Variants in RELA observed in about 807,000 individuals in gnomAD.
RELA encodes RELA proto-oncogene, NF-kB subunit.
In RELA, 14 loss-of-function variants were observed where a neutral mutation model predicts 56.7. The observed-to-expected ratio is 0.25, with a 90% confidence interval of 0.16 to 0.39. RELA has a LOEUF of 0.39. RELA is among the 10% of genes least tolerant of loss of function. RELA has a pLI of 1.00. For synonymous variants in RELA, 315 were observed against 289.7 expected, an observed-to-expected ratio of 1.09 and a Z score of -0.89; for missense variants, 559 against 736.4, an observed-to-expected ratio of 0.76 and a Z score of 2.79.
At chr11:65,659,392 C>T (rs1019332559) in intron 6 of RELA, among the ~76,000 whole-genome samples, 1 of 152,172 alleles carries the variant, frequency 6.6e-6, no homozygotes, top group Non-Finnish European at 1.5e-5. Context: ...GTTGTGGGCA[C>T]ACCACCTTCT....
chr11:65,660,070 C>A (rs1011628615), intron 5 of RELA, 54 bp downstream of exon 5: 1 of 1,535,542 alleles, frequency 6.5e-7, no homozygotes, highest in Non-Finnish European at 9.0e-7. Flanking sequence ...GCAGGAAAGG[C>A]GGGCTGGGGA....
Position 65,654,547 on chromosome 11 carries a change from T to G in RELA, c.1487A>C (p.Tyr496Ser). 6.2e-7 allele frequency: 1 copy of G among 1,613,054 alleles called. No homozygotes were observed. Among genetic ancestry groups the G allele is most frequent in the Non-Finnish European group, 8.5e-7 (1 of 1,179,632 alleles). Reference sequence around the variant, plus strand: ...CACTAGGCGAGTTATAGCCTCAGGGTACTCCATCAGCATGGGCTCAGTTGT... The same window carrying G: ...CACTAGGCGAGTTATAGCCTCAGGGGACTCCATCAGCATGGGCTCAGTTGT... ...PHTTEPMLME[Y>S]PEAITRLVTG... Residue 496 changes from tyrosine (Y) to serine (S), a missense_variant, in exon 11 of 11, where the codon TAC becomes TCC. Physicochemically the swap from Tyr to Ser is moderately radical, Grantham distance 144 (BLOSUM62 -2). Coordinates refer to ENST00000406246, the MANE Select transcript of RELA (RefSeq NM_021975.4).
chr11:65,654,229 T>C lies in RELA; in HGVS notation c.*149A>G. On this transcript the variant is annotated 3_prime_UTR_variant, in exon 11 of 11. Transcript: ENST00000406246. ...GAGAGAGAGATACAGATACTGACAA[T>C]AAAAGAATAAAATATGGCTCCCCCC... The C allele has an allele frequency of 1.1e-6, 1 of 937,602 alleles. No individual in the cohort carries two copies. The highest frequency in any genetic ancestry group is 1.4e-5 in the South Asian group (1 of 71,750). The allele number at this position is 937,602 out of a possible 1,614,324, so 58.1% of individuals were successfully genotyped here.
intron 10 of RELA, 25 bp from the exon 11 acceptor site, chr11:65,655,025 G>T: frequency 1.9e-6 from 3 of 1,565,650 alleles, no homozygotes; most frequent in Non-Finnish European, 2.6e-6. Flanking sequence ...CAGAGAGGCA[G>T]GGGTCAGAGA....
At chr11:65,662,254 C>G in intron 1 of RELA, 49 bp from the exon 2 acceptor site, 1 of 1,495,068 alleles carries the variant, frequency 6.7e-7, no homozygotes, top group Admixed American at 2.5e-5. Context: ...TGCCCATTCT[C>G]ACAAGGAGGA....
In RELA at chr11:65,654,958, T is replaced by A; in HGVS notation, c.1076A>T (p.Asn359Ile). 21 of 1,605,050 alleles carry A rather than the reference T, an allele frequency of 1.3e-5. No individual in the cohort carries two copies. Among genetic ancestry groups the A allele is most frequent in the Non-Finnish European group, 1.7e-5 (20 of 1,176,456 alleles). The change falls in exon 11 of 11, where the codon AAC (asparagine) becomes ATC (isoleucine). Residue 359 changes from asparagine to isoleucine, a missense_variant. Coordinates refer to ENST00000406246, the MANE Select transcript of RELA (RefSeq NM_021975.4). ...CACCATGGTGGGAAACTCATCATAG[T>A]TGATGGTGCTCAGGGATGACGTAAA... is the stretch of plus-strand genomic sequence containing the variant. ...YPFTSSLSTI[N>I]YDEFPTMVFP...
At position 65,661,522 on chromosome 11, in the gene RELA, C is replaced by A. The variant is rs1389009708; in HGVS notation, c.335+165G>T. On this transcript the variant is annotated intron_variant, in intron 4 of 10. Transcript: ENST00000406246. The stretch of plus-strand genomic sequence containing the variant: ...GAACTCATCTGCTAGAGTAAACGTA[C>A]AAATAGATAATTTCAAGACAAAGGC... 4.9e-6 allele frequency: 3 copies of A among 613,054 alleles called. No individual in the cohort carries two copies. In the African/African-American group the frequency reaches 5.5e-5, roughly 11 times the overall value. 38.0% of individuals were successfully genotyped at this position (613,054 alleles called of 1,614,324 possible).
intron 1 of RELA, 98 bp downstream of exon 1, chr11:65,662,728 C>A (rs1412524605): frequency 3.4e-5 from 33 of 977,068 alleles, no homozygotes; most frequent in Non-Finnish European, 2.5e-5. Context: ...GCGCAGCGCC[C>A]GTCGGCGCAG....
chr11:65,661,705 G>A lies in RELA; in HGVS notation c.317C>T (p.Pro106Leu), dbSNP rs774014347. The A allele has an allele frequency of 1.2e-6, 2 of 1,604,852 alleles. No individual in the cohort carries two copies. The highest frequency in any genetic ancestry group is 1.7e-6 in the Non-Finnish European group (2 of 1,174,802). ...ACCTCACCTGTGGATGCAGCGGTCC[G>A]GGCAGAGCTCAGCCTCATAGAAGCC... ...RDGFYEAELC[P>L]DRCIHSFQNL... The change falls in exon 4 of 11, where the codon CCG (proline) becomes CTG (leucine). Residue 106 changes from proline to leucine, a missense_variant. Pro to Leu is a moderately conservative substitution (Grantham distance 98, BLOSUM62 -3). Around this residue, in one of 4 missense-constraint regions of RELA, gnomAD observed 149 missense variants for 256.0 expected, o/e 0.58. Transcript: ENST00000406246.
At chr11:65,656,662 C>T (rs780419464) in intron 8 of RELA, among the ~76,000 whole-genome samples, 29 of 152,236 alleles carry the variant, frequency 1.9e-4, no homozygotes, top group Non-Finnish European at 3.7e-4. Flanking sequence ...AGTATGCACA[C>T]AAGGTGTCTG....
chr11:65,654,627 G>C lies in RELA; in HGVS notation c.1407C>G (p.Val469=), dbSNP rs774973728. ...DPAVFTDLAS[V]DNSEFQQLLN... ...GCAGCTGCTGAAACTCGGAGTTGTC[G>C]ACGGATGCCAGGTCTGTGAACACAG... Residue 469 remains valine (V), a synonymous_variant, in exon 11 of 11, where the codon GTC becomes GTG. Transcript: ENST00000406246. 3.2e-5 allele frequency: 51 copies of C among 1,606,714 alleles called. No individual in the cohort carries two copies. The highest frequency in any genetic ancestry group is 4.2e-5 in the Non-Finnish European group (50 of 1,176,994).
chr11:65,659,940 T>C, intron 5 of RELA, 143 bp from the exon 6 acceptor site: 1 of 1,238,010 alleles, frequency 8.1e-7, no homozygotes, highest in Non-Finnish European at 1.1e-6. Context: ...CAGCACTGAC[T>C]CCACTGTGGC....
At chr11:65,663,080 C>T, upstream of RELA, 1 of 254,544 alleles carries the variant, frequency 3.9e-6, no homozygotes. Context: ...GTGCGCGCCT[C>T]GCCGAGGACG....
In RELA at chr11:65,654,094, A is replaced by G; in HGVS notation, c.*284T>C. On this transcript the variant is annotated 3_prime_UTR_variant, in exon 11 of 11. Transcript: ENST00000406246. ...GGAGGATGGGGATGGGGGACCCCAG[A>G]GTTCCCTACAGAGAAGGGAGCTGAC... 2.1e-6 allele frequency: 1 copy of G among 467,900 alleles called. No individual in the cohort carries two copies. The highest frequency in any genetic ancestry group is 3.9e-6 in the Non-Finnish European group (1 of 255,692). The allele number at this position is 467,900 out of a possible 1,614,324, so 29.0% of individuals were successfully genotyped here.
intron 4 of RELA, 67 bp downstream of exon 4, chr11:65,661,620 T>TA: frequency 6.9e-7 from 1 of 1,438,898 alleles, no homozygotes; most frequent in Non-Finnish European, 9.4e-7. Context: ...AGTAACACTG[T>TA]AGCGGCTACT....
intron 4 of RELA, chr11:65,661,342 A>T (rs531759347): frequency 4.6e-6 from 1 of 216,054 alleles, no homozygotes; most frequent in Non-Finnish European, 9.1e-6. Context: ...ATTTTTTTAC[A>T]GCCTGTCTCT....
rs562262364 is a variant in RELA, at chr11:65,661,723, T to C, written c.299A>G (p.Tyr100Cys). ...LVGKDCRDGF[Y>C]EAELCPDRCI... is the part of the protein sequence containing the mutation. ...GCGGTCCGGGCAGAGCTCAGCCTCA[T>C]AGAAGCCATCCCGGCAGTCCTTTCC... The change falls in exon 4 of 11, where the codon TAT (tyrosine) becomes TGT (cysteine). Residue 100 changes from tyrosine to cysteine, a missense_variant. By Grantham distance (194) the Tyr-to-Cys change is radical (BLOSUM62 -2). Around this residue, in one of 4 missense-constraint regions of RELA, gnomAD observed 149 missense variants for 256.0 expected, o/e 0.58. Transcript: ENST00000406246. 3 of 1,611,688 alleles carry C rather than the reference T, an allele frequency of 1.9e-6. No individual in the cohort carries two copies. Among genetic ancestry groups the C allele is most frequent in the East Asian group, 2.2e-5 (1 of 44,862 alleles).
chr11:65,660,432 C>A, intron 4 of RELA: 1 of 591,072 alleles, frequency 1.7e-6, no homozygotes, highest in East Asian at 2.8e-5. Flanking sequence ...CTGTGGGCTC[C>A]CTGCTTACAG....
intron 10 of RELA, chr11:65,655,287 G>A: frequency 1.8e-6 from 1 of 566,642 alleles, no homozygotes; most frequent in South Asian, 2.2e-5. Context: ...TCAGTTTACA[G>A]CTGAAAAACT....
Sources: gnomAD v4.1 joint callset for allele counts (sites outside exome capture counted in the v4.1 genomes callset) on GRCh38, gnomAD v4.1.1 for gene constraint, gnomAD v4.1.1 regional missense constraint, MANE v1.5 for transcripts, NCBI Gene and HGNC (gene_info 2026-07-23, HGNC 2026-07-21) for gene names.